The following PDE7B variants were observed in gnomAD, a reference collection of about 807,000 sequenced individuals.
PDE7B encodes 3',5'-cyclic-AMP phosphodiesterase 7B.
PDE7B carries 29 observed loss-of-function variants against 56.2 expected under a neutral mutation model. The ratio of observed to expected loss-of-function variants is 0.52; its 90% CI spans 0.38 to 0.70. The LOEUF is 0.70. PDE7B is among the 30% of genes least tolerant of loss of function. PDE7B has a pLI of 0.00. For missense variants in PDE7B, 490 were observed against 565.0 expected, an observed-to-expected ratio of 0.87 and a Z score of 1.35; for synonymous variants, 197 against 196.9, an observed-to-expected ratio of 1.00 and a Z score of 0.00.
intron 2 of PDE7B, among the ~76,000 whole-genome samples, chr6:136,021,944 A>C (rs1449206548): frequency 6.6e-6 from 1 of 152,008 alleles, no homozygotes; most frequent in Non-Finnish European, 1.5e-5. Flanking sequence ...CTGGCCTGGA[A>C]TCTCATCTCA....
chr6:135,886,718 T>A lies in PDE7B; in HGVS notation c.21+34699T>A, dbSNP rs151084414. 3.9e-3 allele frequency among the ~76,000 whole-genome samples: 591 copies of A among 152,328 alleles called. 18 individuals are homozygous for A. Among genetic ancestry groups the A allele is most frequent in the Admixed American group, 0.033 (509 of 15,284 alleles). On this transcript the variant is annotated intron_variant, in intron 1 of 12. Coordinates refer to ENST00000308191, the MANE Select transcript of PDE7B (RefSeq NM_018945.4). ...CATTATTTCATCCTTTATGGCCTAG[T>A]AGTATTCCATAGTGTATATATACTA...
chr6:136,105,330 C>A lies in PDE7B; in HGVS notation c.83-3401C>A, dbSNP rs562982077. Among the ~76,000 whole-genome samples the A allele has an allele frequency of 2.0e-5, 3 of 152,272 alleles. No individual in the cohort carries two copies. In the South Asian group the frequency reaches 6.2e-4, roughly 32 times the overall value. On this transcript the variant is annotated intron_variant, in intron 2 of 12. Transcript: ENST00000308191. ...AAAAGTTAATGCTGACCTGTTTAACCAATTTTTCATCTTGATAATATAGGA... is the reference window on the plus strand; with the variant it reads ...AAAAGTTAATGCTGACCTGTTTAACAAATTTTTCATCTTGATAATATAGGA...
At chr6:136,174,448 G>C (rs1206364483) in intron 9 of PDE7B, among the ~76,000 whole-genome samples, 1 of 152,050 alleles carries the variant, frequency 6.6e-6, no homozygotes. Flanking sequence ...CTCATTTTCT[G>C]GTTCACTATT....
intron 2 of PDE7B, among the ~76,000 whole-genome samples, chr6:136,102,999 CT>C (rs1389462492): frequency 1.3e-5 from 2 of 152,140 alleles, no homozygotes; most frequent in African/African-American, 4.8e-5. Flanking sequence ...GAAGAAAGAA[CT>C]TTTTTCACAT....
chr6:135,926,386 A>C (rs1774190787), intron 1 of PDE7B, among the ~76,000 whole-genome samples: 1 of 151,960 alleles, frequency 6.6e-6, no homozygotes, highest in Non-Finnish European at 1.5e-5. Flanking sequence ...CATGCCCGGC[A>C]AACCTCTGTA....
chr6:135,954,314 G>C (rs955470159), intron 2 of PDE7B, among the ~76,000 whole-genome samples: 1 of 152,068 alleles, frequency 6.6e-6, no homozygotes, highest in Admixed American at 6.6e-5. Context: ...GAATGGATAC[G>C]TGCTGATGTG....
rs1373957374 is a variant in PDE7B, at chr6:136,038,069, G to A, written c.83-70662G>A. The A allele has an allele frequency of 5.2e-6, 7 of 1,338,034 alleles. No homozygotes were observed. In the South Asian group the frequency reaches 8.2e-5, roughly 16 times the overall value. 82.9% of individuals were successfully genotyped at this position (1,338,034 alleles called of 1,614,324 possible). On this transcript the variant is annotated intron_variant, in intron 2 of 12. Transcript: ENST00000308191. ...ATCGCTCTCGTCGGCAGTGTTTGTG[G>A]AGGGCCTGAAGAGACAGGGAGGTTG...
At chr6:135,926,196 C>G (rs896934904) in intron 1 of PDE7B, among the ~76,000 whole-genome samples, 1 of 150,890 alleles carries the variant, frequency 6.6e-6, no homozygotes, top group Non-Finnish European at 1.5e-5. Flanking sequence ...ACGCCATTCT[C>G]CTGCCTCAGC....
At chr6:136,073,269 G>A (rs1274791231) in intron 2 of PDE7B, among the ~76,000 whole-genome samples, 1 of 152,152 alleles carries the variant, frequency 6.6e-6, no homozygotes, top group South Asian at 2.1e-4. Context: ...AGGTCCTGGG[G>A]TAACAGATCT....
chr6:136,152,806 G>A (rs6915454), intron 6 of PDE7B, among the ~76,000 whole-genome samples: 12,011 of 152,168 alleles, frequency 0.079, 1,621 homozygotes, highest in African/African-American at 0.27. Flanking sequence ...AATAATAATG[G>A]GAGCCACAAC....
intron 1 of PDE7B, among the ~76,000 whole-genome samples, chr6:135,885,558 G>A (rs1775692024): frequency 1.3e-5 from 2 of 152,242 alleles, no homozygotes; most frequent in Non-Finnish European, 2.9e-5. Context: ...GAGTCCTTTG[G>A]AGAAGCAATG....
In PDE7B at chr6:135,905,348, A is replaced by ATGTGTGTG. The variant is rs71682918; in HGVS notation, c.22-42091_22-42084dup. Among the ~76,000 whole-genome samples the ATGTGTGTG allele has an allele frequency of 1.4e-4, 21 of 148,254 alleles. 1 individual carries two copies. Among genetic ancestry groups the ATGTGTGTG allele is most frequent in the East Asian group, 1.2e-3 (6 of 4,960 alleles). On this transcript the variant is annotated intron_variant, in intron 1 of 12. Transcript: ENST00000308191. ...CATACATACATGCGTGTGTGTGTGT[A>ATGTGTGTG]TGTGTGTGTGTGTGTGTGTGTGTGT...
chr6:136,178,868 A>G (rs1779019853), intron 9 of PDE7B, 129 bp from the exon 10 acceptor site: 1 of 971,148 alleles, frequency 1.0e-6, no homozygotes, highest in Non-Finnish European at 1.6e-6. Context: ...AAGGACTGGC[A>G]CATTGTGTAA....
At chr6:136,094,094 T>C (rs1379866561) in intron 2 of PDE7B, 1 of 152,614 alleles carries the variant, frequency 6.6e-6, no homozygotes, top group African/African-American at 2.4e-5. Flanking sequence ...GGGGAGGGCA[T>C]GCTCTCTGCC....
intron 2 of PDE7B, among the ~76,000 whole-genome samples, chr6:135,981,670 G>A (rs943713177): frequency 2.0e-5 from 3 of 151,018 alleles, no homozygotes; most frequent in African/African-American, 4.9e-5. Context: ...GTCTTCAGGG[G>A]CAATAACACA....
chr6:135,955,021 T>C (rs1774765031), intron 2 of PDE7B, among the ~76,000 whole-genome samples: 1 of 152,168 alleles, frequency 6.6e-6, no homozygotes, highest in South Asian at 2.1e-4. Context: ...CAGTCTTGTA[T>C]TGAGTTAGCT....
At chr6:135,994,605 C>T (rs114344605) in intron 2 of PDE7B, among the ~76,000 whole-genome samples, 1,625 of 152,120 alleles carry the variant, frequency 0.011, 29 homozygotes, top group African/African-American at 0.036. Flanking sequence ...ACTCAAAATC[C>T]GATTGGAAGA....
intron 1 of PDE7B, among the ~76,000 whole-genome samples, chr6:135,875,804 C>T (rs1583726736): frequency 6.6e-6 from 1 of 152,206 alleles, no homozygotes; most frequent in Non-Finnish European, 1.5e-5. Context: ...GTTATTTTTT[C>T]TGAGCACTTT....
chr6:136,125,773 C>T lies in PDE7B; in HGVS notation c.166+16959C>T, dbSNP rs575801512. On this transcript the variant is annotated intron_variant, in intron 3 of 12. Coordinates refer to ENST00000308191, the MANE Select transcript of PDE7B (RefSeq NM_018945.4). ...TGAGACTCAGAGCAAATACTCCATT[C>T]TTCTTGTAAAGGTGTTCCCAGGCTT... Among the ~76,000 whole-genome samples, 4 of 152,188 alleles carry T rather than the reference C, an allele frequency of 2.6e-5. No individual in the cohort carries two copies. In the East Asian group the frequency reaches 5.8e-4, roughly 22 times the overall value.
Sources: gnomAD v4.1 joint callset for allele counts (sites outside exome capture counted in the v4.1 genomes callset) on GRCh38, gnomAD v4.1.1 for gene constraint, MANE v1.5 for transcripts, NCBI Gene and HGNC (gene_info 2026-07-23, HGNC 2026-07-21) for gene names.